Variants in CEP126 observed in about 807,000 individuals in gnomAD.
CEP126 encodes centrosomal protein of 126 kDa.
A neutral mutation model predicts 107.8 loss-of-function variants in CEP126; 74 were observed. That is an observed-to-expected ratio of 0.69 (90% CI 0.57 to 0.83). The LOEUF (loss-of-function observed/expected upper bound fraction) is 0.83, where lower values mean the gene tolerates loss of function less well. Among genes scored for constraint, CEP126 ranks in the 40% least tolerant of loss-of-function variants. The pLI, the probability that CEP126 is intolerant of heterozygous loss-of-function variation, is 0.00. For synonymous variants in CEP126, 449 were observed against 446.0 expected (o/e 1.01, Z -0.08); for missense variants, 1,237 against 1,281.9 (o/e 0.96, Z 0.53).
intron 1 of CEP126, among the ~76,000 whole-genome samples, chr11:101,920,232 T>G (rs1940301863): frequency 6.6e-6 from 1 of 152,202 alleles, no homozygotes; most frequent in South Asian, 2.1e-4. Flanking sequence ...AACAAAATGT[T>G]CAAATAAACC....
intron 4 of CEP126, among the ~76,000 whole-genome samples, chr11:101,954,202 A>G (rs994172819): frequency 1.5e-4 from 23 of 152,074 alleles, no homozygotes; most frequent in African/African-American, 5.5e-4. Flanking sequence ...TAATTTTTGT[A>G]TTTTTAGTAG....
At chr11:101,943,882 A>C (rs946348854) in intron 2 of CEP126, among the ~76,000 whole-genome samples, 1 of 152,124 alleles carries the variant, frequency 6.6e-6, no homozygotes, top group African/African-American at 2.4e-5. Flanking sequence ...ATTTTATTGA[A>C]TACCTCATAA....
chr11:101,930,131 T>C (rs905076634), intron 2 of CEP126, among the ~76,000 whole-genome samples: 2 of 152,026 alleles, frequency 1.3e-5, no homozygotes, highest in Admixed American at 1.3e-4. Context: ...TGACCTCCTC[T>C]TCTTCACTTC....
At chr11:101,938,010 G>A (rs1002060538) in intron 2 of CEP126, among the ~76,000 whole-genome samples, 19 of 151,078 alleles carry the variant, frequency 1.3e-4, no homozygotes, top group Non-Finnish European at 2.1e-4. Flanking sequence ...AAAATTAGCC[G>A]GGCGTGGTGG....
intron 6 of CEP126, among the ~76,000 whole-genome samples, chr11:101,973,271 A>G (rs1007316680): frequency 3.3e-5 from 5 of 152,348 alleles, no homozygotes; most frequent in African/African-American, 1.2e-4. Context: ...AATGTTTTTC[A>G]GTCATACAGT....
intron 6 of CEP126, among the ~76,000 whole-genome samples, chr11:101,964,856 A>G (rs896921089): frequency 6.6e-6 from 1 of 152,128 alleles, no homozygotes; most frequent in African/African-American, 2.4e-5. Context: ...CAACAAAGTA[A>G]GCACAGTGAA....
At chr11:101,931,570 C>T (rs1940501066) in intron 2 of CEP126, among the ~76,000 whole-genome samples, 1 of 152,048 alleles carries the variant, frequency 6.6e-6, no homozygotes, top group South Asian at 2.1e-4. Flanking sequence ...CCTTTTTTAA[C>T]TTTCAAGAAG....
chr11:101,948,294 T>G (rs1940766127), intron 4 of CEP126, 152 bp downstream of exon 4: 1 of 457,074 alleles, frequency 2.2e-6, no homozygotes, highest in Non-Finnish European at 3.8e-6. Flanking sequence ...TAGAATAGAA[T>G]GAAAATTGTT....
rs34090356 is a variant in CEP126, at chr11:101,978,321, T to G, written c.2846-26T>G. The stretch of plus-strand genomic sequence containing the variant: ...TTGGCTACTCAACTAGCATAATTTT[T>G]AACATTGTGCTGGCATTTGTTTAAG... On this transcript the variant is annotated intron_variant, in intron 6 of 10. Coordinates refer to ENST00000263468, the MANE Select transcript of CEP126 (RefSeq NM_020802.4). 989 of 1,493,154 alleles carry G rather than the reference T, an allele frequency of 6.6e-4. 1 individual carries two copies. Among genetic ancestry groups the G allele is most frequent in the Non-Finnish European group, 8.7e-4 (941 of 1,077,988 alleles). 92.5% of individuals were successfully genotyped at this position (1,493,154 alleles called of 1,614,324 possible).
chr11:101,985,305 CAG>C (rs1276500415), intron 8 of CEP126, among the ~76,000 whole-genome samples: 82 of 146,434 alleles, frequency 5.6e-4, no homozygotes, highest in African/African-American at 1.9e-3. Context: ...TTTTTTTAAG[CAG>C]AGTCTCACTC....
At chr11:101,992,173 G>C (rs1202141695) in intron 9 of CEP126, among the ~76,000 whole-genome samples, 2 of 151,430 alleles carry the variant, frequency 1.3e-5, no homozygotes, top group Non-Finnish European at 2.9e-5. Context: ...TAAAAAGCAG[G>C]GAGCTACAAT....
intron 6 of CEP126, among the ~76,000 whole-genome samples, chr11:101,964,363 T>TGAGGCCA: frequency 6.6e-6 from 1 of 151,318 alleles, no homozygotes; most frequent in Non-Finnish European, 1.5e-5. Flanking sequence ...CCAGGCACGG[T>TGAGGCCA]GGCTCATGGC....
At chr11:101,946,071 T>TA (rs1177903088) in intron 3 of CEP126, among the ~76,000 whole-genome samples, 2 of 152,116 alleles carry the variant, frequency 1.3e-5, no homozygotes, top group African/African-American at 4.8e-5. Context: ...TAAGAGATGT[T>TA]AAGCTCCTAA....
rs767629543 is a variant in CEP126, at chr11:101,961,974, T to A, written c.939T>A (p.Leu313=). 6.2e-7 allele frequency: 1 copy of A among 1,611,232 alleles called. No individual in the cohort carries two copies. Among genetic ancestry groups the A allele is most frequent in the Non-Finnish European group, 8.5e-7 (1 of 1,178,656 alleles). Residue 313 remains leucine, a synonymous_variant, in exon 6 of 11, where the codon CTT becomes CTA. Transcript: ENST00000263468. The part of the protein sequence containing the change: ...FSKTQHINNW[L]TNLDASNTQN... ...AAACTCAACATATAAATAATTGGCT[T>A]ACAAATTTAGATGCTTCAAATACTC...
rs373540897 is a variant in CEP126 at position 101,987,092 on chromosome 11, C to T, written c.3244+51C>T. 4.9e-6 allele frequency: 6 copies of T among 1,231,396 alleles called. No individual in the cohort carries two copies. In the African/African-American group the frequency reaches 7.7e-5, roughly 16 times the overall value. 76.3% of individuals were successfully genotyped at this position (1,231,396 alleles called of 1,614,324 possible). On this transcript the variant is annotated intron_variant, in intron 9 of 10. Transcript: ENST00000263468. Reference sequence around the variant, plus strand: ...AAGAAATACTGCATTTATACTTAGACAATTTTAATTTAAACTTTAATTTAA... The same window carrying T: ...AAGAAATACTGCATTTATACTTAGATAATTTTAATTTAAACTTTAATTTAA...
intron 9 of CEP126, 57 bp downstream of exon 9, chr11:101,987,098 T>A (rs1941325774): frequency 1.7e-6 from 2 of 1,191,330 alleles, no homozygotes; most frequent in African/African-American, 3.1e-5. Flanking sequence ...TAGACAATTT[T>A]AATTTAAACT....
intron 6 of CEP126, among the ~76,000 whole-genome samples, chr11:101,970,549 CTT>C (rs533402709): frequency 1.4e-5 from 2 of 143,608 alleles, no homozygotes; most frequent in African/African-American, 5.1e-5. Context: ...ATTCTACTTC[CTT>C]TTTTTTTTTA....
rs559737531 is a variant in CEP126, at chr11:101,948,238, C to T, written c.506+96C>T. The T allele has an allele frequency of 2.9e-3, 1,833 of 621,622 alleles. 9 individuals are homozygous for T. The highest frequency in any genetic ancestry group is 4.3e-3 in the Non-Finnish European group (1,562 of 362,580). The allele number at this position is 621,622 out of a possible 1,614,324, so 38.5% of individuals were successfully genotyped here. On this transcript the variant is annotated intron_variant, in intron 4 of 10. Transcript: ENST00000263468. ...AGCTTTTTCATCAGCTACTCCTCAT[C>T]TGTGTTTTAGAGTTTATTCTTTTAT...
chr11:101,929,992 T>TG (rs1940469914), intron 2 of CEP126, among the ~76,000 whole-genome samples: 1 of 150,680 alleles, frequency 6.6e-6, no homozygotes, highest in East Asian at 2.0e-4. Flanking sequence ...TTTTTTTTTT[T>TG]GTCTAAGCTT....
Sources: gnomAD v4.1 joint callset for allele counts (sites outside exome capture counted in the v4.1 genomes callset) on GRCh38, gnomAD v4.1.1 for gene constraint, MANE v1.5 for transcripts, NCBI Gene and HGNC (gene_info 2026-07-23, HGNC 2026-07-21) for gene names.